The following CSMD2 variants were observed in gnomAD, a reference collection of about 807,000 sequenced individuals.
The protein encoded by CSMD2 is CUB and Sushi multiple domains 2, also known as CUB and sushi domain-containing protein 2.
Under a neutral mutation model 398.5 loss-of-function variants are expected in CSMD2, and 130 were observed. The ratio of observed to expected loss-of-function variants is 0.33; its 90% CI spans 0.28 to 0.38. The LOEUF (loss-of-function observed/expected upper bound fraction) is 0.38, where lower values mean the gene tolerates loss of function less well. CSMD2 is among the 10% of genes least tolerant of loss of function. The pLI, the probability that CSMD2 is intolerant of heterozygous loss-of-function variation, is 1.00. For missense variants in CSMD2, 3,829 were observed against 4,764.9 expected (o/e 0.80, Z 5.78); for synonymous variants, 1,828 against 1,908.5 (o/e 0.96, Z 1.10).
intron 3 of CSMD2, among the ~76,000 whole-genome samples, chr1:33,992,710 T>A (rs1401953154): frequency 1.5e-4 from 23 of 148,712 alleles, no homozygotes; most frequent in African/African-American, 5.7e-4. Context: ...CTACTAAAAA[T>A]AAAAATAAAA....
At chr1:33,516,922 TA>T (rs1333425587) in intron 70 of CSMD2, among the ~76,000 whole-genome samples, 55 of 151,484 alleles carry the variant, frequency 3.6e-4, no homozygotes, top group Admixed American at 3.6e-3. Flanking sequence ...AAAAAATGAC[TA>T]GGATAATAAT....
intron 12 of CSMD2, among the ~76,000 whole-genome samples, chr1:33,774,130 TG>T (rs1651651231): frequency 6.6e-6 from 1 of 150,624 alleles, no homozygotes; most frequent in Admixed American, 6.6e-5. Context: ...TGTGTGTGTG[TG>T]TGTGTGTGTG....
chr1:33,563,479 C>T (rs1019413583), intron 53 of CSMD2, among the ~76,000 whole-genome samples: 2 of 152,052 alleles, frequency 1.3e-5, no homozygotes, highest in African/African-American at 4.8e-5. Context: ...TTTCTGATGG[C>T]TTCTATCATC....
chr1:34,069,401 G>GT (rs1655472501), intron 2 of CSMD2, among the ~76,000 whole-genome samples: 2 of 152,174 alleles, frequency 1.3e-5, no homozygotes, highest in Non-Finnish European at 2.9e-5. Flanking sequence ...CAGAAATCCA[G>GT]TAAGAACCCA....
At chr1:34,025,064 C>G (rs1401843710) in intron 3 of CSMD2, among the ~76,000 whole-genome samples, 1 of 152,214 alleles carries the variant, frequency 6.6e-6, no homozygotes, top group East Asian at 1.9e-4. Flanking sequence ...CTCCCACCTC[C>G]AAACATCACA....
intron 6 of CSMD2, among the ~76,000 whole-genome samples, chr1:33,838,079 A>G (rs1660490004): frequency 6.6e-6 from 1 of 152,206 alleles, no homozygotes; most frequent in African/African-American, 2.4e-5. Flanking sequence ...CTGGGAGTCA[A>G]GAAGTGGAGG....
chr1:33,886,127 C>T (rs189983857), intron 5 of CSMD2, among the ~76,000 whole-genome samples: 129 of 152,228 alleles, frequency 8.5e-4, no homozygotes, highest in Non-Finnish European at 2.6e-4. Flanking sequence ...GTGGAATGTA[C>T]AACTTAGGAG....
intron 2 of CSMD2, among the ~76,000 whole-genome samples, chr1:34,079,389 C>T (rs1402765089): frequency 6.6e-6 from 1 of 152,128 alleles, no homozygotes; most frequent in African/African-American, 2.4e-5. Context: ...GATCAATTTA[C>T]AAAAATCAAT....
At chr1:33,681,048 C>T (rs966112370) in intron 25 of CSMD2, among the ~76,000 whole-genome samples, 3 of 150,716 alleles carry the variant, frequency 2.0e-5, no homozygotes, top group Non-Finnish European at 4.4e-5. Flanking sequence ...CCTCAGCCTC[C>T]TGAATAGCTG....
intron 15 of CSMD2, among the ~76,000 whole-genome samples, chr1:33,730,568 TA>T (rs1292492108): frequency 6.7e-6 from 1 of 149,598 alleles, no homozygotes; most frequent in Non-Finnish European, 1.5e-5. Flanking sequence ...AAAGAGATTT[TA>T]AAACACAATA....
chr1:33,744,732 G>A (rs1647211697), intron 13 of CSMD2, among the ~76,000 whole-genome samples: 2 of 152,098 alleles, frequency 1.3e-5, no homozygotes, highest in South Asian at 4.1e-4. Flanking sequence ...TAAAGAGAGT[G>A]CTTAGAGGAT....
intron 68 of CSMD2, among the ~76,000 whole-genome samples, chr1:33,521,024 A>G: frequency 6.6e-6 from 1 of 152,196 alleles, no homozygotes; most frequent in East Asian, 1.9e-4. Context: ...CAGTTTTCTT[A>G]TCTGTAAAAT....
chr1:33,657,331 G>A (rs1388269980), intron 27 of CSMD2, among the ~76,000 whole-genome samples: 1 of 152,204 alleles, frequency 6.6e-6, no homozygotes, highest in Non-Finnish European at 1.5e-5. Context: ...AAAATTTGCT[G>A]GGTGTGGTGG....
At chr1:33,708,482 A>G (rs1415348850) in intron 22 of CSMD2, among the ~76,000 whole-genome samples, 2 of 152,098 alleles carry the variant, frequency 1.3e-5, no homozygotes, top group African/African-American at 4.8e-5. Flanking sequence ...TAGCTACACA[A>G]ATGAACACAC....
In CSMD2 at chr1:33,767,541, T is replaced by C. The variant is rs182259567; in HGVS notation, c.1846+5028A>G. On this transcript the variant is annotated intron_variant, in intron 13 of 70. Transcript: ENST00000373381. ...GATCATCCCCAAAGGCCCTTCAGTT[T>C]AGAATTTGACCAGGAACAGCCATAC... is the stretch of plus-strand genomic sequence containing the variant. Among the ~76,000 whole-genome samples the C allele has an allele frequency of 1.9e-3, 289 of 152,254 alleles. 3 individuals carry two copies. Among genetic ancestry groups the C allele is most frequent in the African/African-American group, 6.2e-3 (258 of 41,536 alleles).
chr1:33,682,724 C>T (rs1374000855), intron 25 of CSMD2, among the ~76,000 whole-genome samples: 1 of 152,162 alleles, frequency 6.6e-6, no homozygotes, highest in Admixed American at 6.5e-5. Context: ...TCATCCTGAG[C>T]TCCTATACCC....
intron 3 of CSMD2, among the ~76,000 whole-genome samples, chr1:33,958,771 G>A (rs535178073): frequency 6.6e-6 from 1 of 152,346 alleles, no homozygotes; most frequent in Non-Finnish European, 1.5e-5. Flanking sequence ...AGCTTTGTGA[G>A]ACCCTTAGTA....
chr1:33,562,533 G>T (rs942768009), intron 53 of CSMD2, among the ~76,000 whole-genome samples: 1 of 152,166 alleles, frequency 6.6e-6, no homozygotes, highest in Non-Finnish European at 1.5e-5. Flanking sequence ...CTAATGAGAG[G>T]GGAGAGGTGG....
At chr1:34,103,442 G>A (rs932678685) in intron 1 of CSMD2, among the ~76,000 whole-genome samples, 69 of 151,924 alleles carry the variant, frequency 4.5e-4, no homozygotes, top group Admixed American at 3.9e-3. Flanking sequence ...GGGACTACCG[G>A]CACCCGCCAC....
Sources: allele counts gnomAD v4.1 joint callset (sites outside exome capture counted in the v4.1 genomes callset), GRCh38; gene constraint gnomAD v4.1.1; transcripts MANE v1.5; gene names NCBI Gene and HGNC (gene_info 2026-07-23, HGNC 2026-07-21).